Variants in ATP8A2 observed in about 807,000 individuals in gnomAD.
ATP8A2 encodes ATPase phospholipid transporting 8A2.
A neutral mutation model predicts 165.6 loss-of-function variants in ATP8A2; 100 were observed. The observed-to-expected ratio is 0.60, with a 90% CI of 0.51 to 0.71. ATP8A2 has a LOEUF of 0.71. Ranked by LOEUF, ATP8A2 falls within the 30% of genes least tolerant of loss-of-function variation. The pLI is 0.00. For synonymous variants in ATP8A2, 543 were observed against 548.8 expected, an observed-to-expected ratio of 0.99 and a Z score of 0.15; for missense variants, 1,227 against 1,479.5, an observed-to-expected ratio of 0.83 and a Z score of 2.80.
At chr13:25,512,445 C>T (rs536447999) in intron 2 of ATP8A2, among the ~76,000 whole-genome samples, 3 of 152,228 alleles carry the variant, frequency 2.0e-5, no homozygotes, top group African/African-American at 7.2e-5. Context: ...CCTCACTTCC[C>T]AGTGGGGGCG....
intron 24 of ATP8A2, among the ~76,000 whole-genome samples, chr13:25,641,948 A>G (rs1328305787): frequency 6.6e-6 from 1 of 152,062 alleles, no homozygotes; most frequent in Non-Finnish European, 1.5e-5. Context: ...ATAATACCAC[A>G]CCTCTACAAC....
chr13:25,868,695 C>T (rs1394596963), intron 33 of ATP8A2, among the ~76,000 whole-genome samples: 1 of 152,130 alleles, frequency 6.6e-6, no homozygotes, highest in Non-Finnish European at 1.5e-5. Context: ...GCACCTATGA[C>T]TGTTGTCGCC....
intron 24 of ATP8A2, among the ~76,000 whole-genome samples, chr13:25,669,992 C>T (rs891976188): frequency 6.6e-6 from 1 of 152,216 alleles, no homozygotes; most frequent in Non-Finnish European, 1.5e-5. Flanking sequence ...GGCCACCATC[C>T]CCATGGCTGC....
In ATP8A2 at chr13:25,750,489, C is replaced by T. The variant is rs2044130411; in HGVS notation, c.2385-18557C>T. Among the ~76,000 whole-genome samples, 1 of 152,158 alleles carries T rather than the reference C, an allele frequency of 6.6e-6. No homozygotes were observed. The highest frequency in any genetic ancestry group is 2.1e-4 in the South Asian group (1 of 4,836). ...CAGCTATCCCCCCGATTCTGACTCC[C>T]ACCTGCTTCCATGTTGCTCTGCCCG... On this transcript the variant is annotated intron_variant, in intron 25 of 36. Transcript: ENST00000381655. The surrounding 1 kb of genome is among the most constrained non-coding windows in gnomAD (Gnocchi z 4.3).
intron 25 of ATP8A2, among the ~76,000 whole-genome samples, chr13:25,767,161 G>A (rs2765750): frequency 0.99 from 151,020 of 152,372 alleles, 74,852 homozygotes; most frequent in East Asian, 1. Context: ...ACAGTTGTGG[G>A]CTGCCTCTGC....
chr13:26,017,622 C>T (rs1957007806), intron 36 of ATP8A2, among the ~76,000 whole-genome samples: 1 of 152,190 alleles, frequency 6.6e-6, no homozygotes, highest in Non-Finnish European at 1.5e-5. Context: ...GGTGAAAATC[C>T]AAAAGCTCTT....
chr13:25,905,294 A>G (rs945445665), intron 33 of ATP8A2, among the ~76,000 whole-genome samples: 5 of 152,010 alleles, frequency 3.3e-5, no homozygotes, highest in African/African-American at 1.2e-4. Context: ...TCTCTTATAC[A>G]CTCATTTCTA....
intron 24 of ATP8A2, among the ~76,000 whole-genome samples, chr13:25,647,678 CTTTTTTTCTTT>C (rs1051102584): frequency 1.7e-4 from 26 of 149,254 alleles, no homozygotes; most frequent in African/African-American, 3.8e-4. Flanking sequence ...TTTCTTTTTT[CTTTTTTTCTTT>C]TTTTTTTCTT....
chr13:25,645,231 C>A (rs924191739), intron 24 of ATP8A2, among the ~76,000 whole-genome samples: 16 of 152,086 alleles, frequency 1.1e-4, no homozygotes, highest in Admixed American at 4.6e-4. Flanking sequence ...GAGGAAGAAG[C>A]AAAAGCAGAA....
At chr13:25,566,608 C>T (rs928336021) in intron 16 of ATP8A2, among the ~76,000 whole-genome samples, 6 of 152,170 alleles carry the variant, frequency 3.9e-5, no homozygotes, top group East Asian at 1.9e-4. Context: ...CCTAGATCAA[C>T]GAGGAGAAAG....
intron 27 of ATP8A2, among the ~76,000 whole-genome samples, chr13:25,814,094 T>TAGAC (rs1303540686): frequency 3.4e-5 from 1 of 29,350 alleles, no homozygotes; most frequent in Non-Finnish European, 6.7e-5. Context: ...TGCTCACACA[T>TAGAC]ACAGACACAC....
At chr13:25,628,228 T>C (rs2041152257) in intron 24 of ATP8A2, among the ~76,000 whole-genome samples, 1 of 152,186 alleles carries the variant, frequency 6.6e-6, no homozygotes, top group Non-Finnish European at 1.5e-5. Flanking sequence ...GACCTTTTTC[T>C]GACCCACATT....
At chr13:25,761,788 G>A (rs2044384381) in intron 25 of ATP8A2, among the ~76,000 whole-genome samples, 1 of 151,862 alleles carries the variant, frequency 6.6e-6, no homozygotes, top group African/African-American at 2.4e-5. Flanking sequence ...TGGTAAGCTG[G>A]TATTTATTAA....
At chr13:25,573,170 T>C (rs1451733755) in intron 18 of ATP8A2, among the ~76,000 whole-genome samples, 1 of 152,216 alleles carries the variant, frequency 6.6e-6, no homozygotes, top group Non-Finnish European at 1.5e-5. Flanking sequence ...AATTTTAATC[T>C]GAACTATAGG....
chr13:25,914,774 G>T (rs1025205163), intron 33 of ATP8A2, among the ~76,000 whole-genome samples: 1 of 152,198 alleles, frequency 6.6e-6, no homozygotes, highest in Non-Finnish European at 1.5e-5. Flanking sequence ...GAGGGGCTTC[G>T]CAGTGCTCCC....
At chr13:25,800,016 A>G (rs1950588918) in intron 27 of ATP8A2, among the ~76,000 whole-genome samples, 1 of 152,216 alleles carries the variant, frequency 6.6e-6, no homozygotes, top group Admixed American at 6.5e-5. Flanking sequence ...GCTCACATTT[A>G]TTGGGCCTTT....
chr13:25,679,674 G>T (rs9581420), intron 24 of ATP8A2, among the ~76,000 whole-genome samples: 1,590 of 152,246 alleles, frequency 0.01, 31 homozygotes, highest in African/African-American at 0.036. Context: ...ATTTGAATAT[G>T]TTATTTTGAA....
intron 33 of ATP8A2, among the ~76,000 whole-genome samples, chr13:25,915,588 G>T (rs1954248524): frequency 6.6e-6 from 1 of 152,192 alleles, no homozygotes; most frequent in African/African-American, 2.4e-5. Flanking sequence ...AGAAGTCCTG[G>T]CTTCTCCCTT....
chr13:25,764,265 C>A (rs1039703623), intron 25 of ATP8A2, among the ~76,000 whole-genome samples: 1 of 152,126 alleles, frequency 6.6e-6, no homozygotes, highest in Non-Finnish European at 1.5e-5. Flanking sequence ...TTATTTGAGA[C>A]ACTCAGATTA....
Sources: allele counts gnomAD v4.1 joint callset (sites outside exome capture counted in the v4.1 genomes callset), GRCh38; gene constraint gnomAD v4.1.1; non-coding constraint Gnocchi (gnomAD v3.1); transcripts MANE v1.5; gene names NCBI Gene and HGNC (gene_info 2026-07-23, HGNC 2026-07-21).